CARMIL1: variants seen among roughly 807,000 people sequenced by gnomAD.
The protein encoded by CARMIL1 is capping protein regulator and myosin 1 linker 1, also known as F-actin-uncapping protein LRRC16A.
CARMIL1 carries 90 observed loss-of-function variants against 177.1 expected under a neutral mutation model. The observed-to-expected ratio is 0.51, with a 90% CI of 0.43 to 0.61. The LOEUF (loss-of-function observed/expected upper bound fraction) is 0.61, where lower values mean the gene tolerates loss of function less well. Among genes scored for constraint, CARMIL1 ranks in the 20% least tolerant of loss-of-function variants. The pLI is 0.00. For missense variants in CARMIL1, 1,380 were observed against 1,667.0 expected, an observed-to-expected ratio of 0.83 and a Z score of 3.00; for synonymous variants, 577 against 606.2, an observed-to-expected ratio of 0.95 and a Z score of 0.71.
intron 2 of CARMIL1, among the ~76,000 whole-genome samples, chr6:25,351,641 G>T (rs1788107973): frequency 6.6e-6 from 1 of 152,168 alleles, no homozygotes; most frequent in Non-Finnish European, 1.5e-5. Flanking sequence ...GTGTGGCAGT[G>T]TTACACAATG....
intron 2 of CARMIL1, among the ~76,000 whole-genome samples, chr6:25,300,488 A>T (rs1782769165): frequency 1.3e-5 from 2 of 152,340 alleles, no homozygotes; most frequent in South Asian, 4.1e-4. Flanking sequence ...CCAACATGGC[A>T]AACTCCTGTC....
At chr6:25,376,883 A>AGCT (rs1791039314) in intron 2 of CARMIL1, among the ~76,000 whole-genome samples, 1 of 152,066 alleles carries the variant, frequency 6.6e-6, no homozygotes, top group Non-Finnish European at 1.5e-5. Flanking sequence ...AGTGAAATGC[A>AGCT]CTGAGGTCTT....
At chr6:25,412,612 G>T (rs572774098) in intron 2 of CARMIL1, among the ~76,000 whole-genome samples, 1 of 152,124 alleles carries the variant, frequency 6.6e-6, no homozygotes, top group Non-Finnish European at 1.5e-5. Flanking sequence ...CACAGGAAAG[G>T]TTTAGTAATT....
chr6:25,601,608 A>G (rs1318037885), intron 33 of CARMIL1, among the ~76,000 whole-genome samples: 2 of 152,198 alleles, frequency 1.3e-5, no homozygotes, highest in Non-Finnish European at 2.9e-5. Context: ...GATTTAAAAG[A>G]CAAAGACAAA....
chr6:25,288,043 G>T (rs2690042), intron 2 of CARMIL1, among the ~76,000 whole-genome samples: 41,827 of 152,042 alleles, frequency 0.28, 8,632 homozygotes, highest in African/African-American at 0.57. Flanking sequence ...TTTCAGATGT[G>T]CTATGAGTGG....
At chr6:25,588,998 T>C (rs1209247345) in intron 31 of CARMIL1, among the ~76,000 whole-genome samples, 2 of 152,156 alleles carry the variant, frequency 1.3e-5, no homozygotes, top group Non-Finnish European at 2.9e-5. Context: ...ACAAACCAAC[T>C]CAAATTAAAA....
At position 25,356,214 on chromosome 6, in the gene CARMIL1, C is replaced by T. The variant is rs996647394; in HGVS notation, c.139-63900C>T. 9.8e-5 allele frequency among the ~76,000 whole-genome samples: 15 copies of T among 152,288 alleles called. 1 individual carries two copies. In the South Asian group the frequency reaches 1.9e-3, roughly 19 times the overall value. On this transcript the variant is annotated intron_variant, in intron 2 of 36. Transcript: ENST00000329474. ...CTGGGACTACAGGCTCCCGCCACTG[C>T]GCCCGGCTAATTTTTTGTATTTTTA...
intron 26 of CARMIL1, among the ~76,000 whole-genome samples, chr6:25,547,323 C>T (rs1460850603): frequency 1.3e-5 from 2 of 151,986 alleles, no homozygotes; most frequent in African/African-American, 4.8e-5. Context: ...TGATTCTAAA[C>T]ATATGGAAAA....
intron 6 of CARMIL1, 50 bp downstream of exon 6, chr6:25,450,045 C>T (rs760500768): frequency 3.5e-6 from 5 of 1,447,860 alleles, no homozygotes; most frequent in Admixed American, 4.4e-5. Context: ...TGGATATCCC[C>T]CTGCCAGGAA....
At position 25,580,895 on chromosome 6, in the gene CARMIL1, G is replaced by GT. The variant is rs574385729; in HGVS notation, c.2743-22dup. On this transcript the variant is annotated intron_variant, in intron 29 of 36. Coordinates refer to ENST00000329474, the MANE Select transcript of CARMIL1 (RefSeq NM_017640.6). ...GCAAGTTTTCTGTGGCTACCTAAGT[G>GT]TTTTTTTAAATTATTATTTCATTTC... 6.4e-4 allele frequency: 984 copies of GT among 1,536,080 alleles called. 2 individuals are homozygous for GT. In the Middle Eastern group the frequency reaches 0.01, roughly 16 times the overall value.
intron 2 of CARMIL1, among the ~76,000 whole-genome samples, chr6:25,332,258 C>T (rs760865): frequency 0.13 from 19,978 of 152,104 alleles, 1,367 homozygotes; most frequent in Non-Finnish European, 0.15. Flanking sequence ...AGCCTAGGAG[C>T]CTTTTCCCCA....
intron 2 of CARMIL1, among the ~76,000 whole-genome samples, chr6:25,409,151 T>TA (rs1794673754): frequency 6.6e-6 from 1 of 152,196 alleles, no homozygotes; most frequent in Admixed American, 6.5e-5. Context: ...AGGTTATAGT[T>TA]ACCATGGGAG....
chr6:25,559,181 A>G (rs1219336243), intron 29 of CARMIL1, among the ~76,000 whole-genome samples: 3 of 152,176 alleles, frequency 2.0e-5, no homozygotes, highest in African/African-American at 4.8e-5. Flanking sequence ...CTGAGCTGGT[A>G]CAAACTCATA....
intron 2 of CARMIL1, among the ~76,000 whole-genome samples, chr6:25,322,557 G>T (rs1454981032): frequency 2.6e-5 from 4 of 152,166 alleles, no homozygotes; most frequent in African/African-American, 9.7e-5. Context: ...AATGTGTGTG[G>T]CTGTCAGTGA....
chr6:25,451,375 CTGA>C (rs1798903873), intron 8 of CARMIL1, among the ~76,000 whole-genome samples: 1 of 152,078 alleles, frequency 6.6e-6, no homozygotes, highest in African/African-American at 2.4e-5. Flanking sequence ...AACTTTAATA[CTGA>C]AATTCTGAGA....
chr6:25,508,476 C>T (rs865964332), intron 17 of CARMIL1, among the ~76,000 whole-genome samples: 3 of 152,094 alleles, frequency 2.0e-5, no homozygotes, highest in East Asian at 1.9e-4. Context: ...GTGGGAGGAT[C>T]GTTTGAACCC....
intron 18 of CARMIL1, 37 bp from the exon 19 acceptor site, chr6:25,510,470 T>C (rs1377176070): frequency 1.0e-6 from 1 of 1,002,276 alleles, no homozygotes; most frequent in Non-Finnish European, 1.5e-6. Context: ...TTTATACACA[T>C]GTGTTTTGAT....
intron 26 of CARMIL1, among the ~76,000 whole-genome samples, chr6:25,549,025 A>G (rs1241748132): frequency 1.3e-5 from 2 of 152,180 alleles, no homozygotes; most frequent in Non-Finnish European, 2.9e-5. Flanking sequence ...ACTGCAGAAT[A>G]TTTGCTGGAT....
intron 26 of CARMIL1, among the ~76,000 whole-genome samples, chr6:25,543,945 A>G (rs996792050): frequency 6.6e-6 from 1 of 152,150 alleles, no homozygotes; most frequent in African/African-American, 2.4e-5. Context: ...AAGTACCATT[A>G]GTTATTTTTA....
Sources: gnomAD v4.1 joint callset for allele counts (sites outside exome capture counted in the v4.1 genomes callset) on GRCh38, gnomAD v4.1.1 for gene constraint, MANE v1.5 for transcripts, NCBI Gene and HGNC (gene_info 2026-07-23, HGNC 2026-07-21) for gene names.